The following PASK variants were observed in gnomAD, a reference collection of about 807,000 sequenced individuals.
PASK encodes the protein PAS domain containing serine/threonine kinase.
In PASK, 110 loss-of-function variants were observed where a neutral mutation model predicts 121.0. The ratio of observed to expected loss-of-function variants is 0.91; its 90% CI spans 0.78 to 1.06. PASK has a LOEUF of 1.06. Among genes scored for constraint, PASK ranks in the 50% least tolerant of loss-of-function variants. PASK has a pLI of 0.00. For synonymous variants in PASK, 686 were observed against 717.8 expected (o/e 0.96, Z 0.71); for missense variants, 1,643 against 1,702.3 (o/e 0.97, Z 0.61).
upstream of PASK, chr2:241,150,308 TG>T: frequency 7.5e-7 from 1 of 1,335,350 alleles, no homozygotes; most frequent in Non-Finnish European, 9.6e-7. Context: ...TTACCTGCTC[TG>T]GGGGAGGCGC....
intron 4 of PASK, chr2:241,139,591 C>G (rs1321444629): frequency 1.5e-6 from 1 of 647,834 alleles, no homozygotes; most frequent in Non-Finnish European, 2.9e-6. Flanking sequence ...GACTGCAAAA[C>G]ATTAGTGAAG....
At chr2:241,140,784 C>A in intron 2 of PASK, 31 bp from the exon 3 acceptor site, 1 of 1,430,580 alleles carries the variant, frequency 7.0e-7, no homozygotes, top group Non-Finnish European at 9.8e-7. Flanking sequence ...AAGCTTTAGA[C>A]TTCACACAGC....
chr2:241,131,486 T>C (rs1001620555), intron 9 of PASK, among the ~76,000 whole-genome samples: 4 of 152,232 alleles, frequency 2.6e-5, no homozygotes, highest in African/African-American at 9.6e-5. Context: ...ACATACTTTA[T>C]ATGTATCTAT....
intron 9 of PASK, among the ~76,000 whole-genome samples, chr2:241,128,888 A>G (rs1341999339): frequency 2.0e-5 from 3 of 150,942 alleles, no homozygotes; most frequent in African/African-American, 7.3e-5. Context: ...AAGAGGAAGG[A>G]TACAACCCAA....
upstream of PASK, chr2:241,150,174 T>C (rs1029954795): frequency 2.1e-5 from 27 of 1,274,256 alleles, no homozygotes; most frequent in African/African-American, 3.9e-4. Context: ...AGGGCGTCTC[T>C]CCACTCTGCC....
At chr2:241,128,650 T>C (rs961405112) in intron 9 of PASK, among the ~76,000 whole-genome samples, 28 of 152,186 alleles carry the variant, frequency 1.8e-4, no homozygotes, top group African/African-American at 6.5e-4. Flanking sequence ...TGTGGGAGGC[T>C]GAGCCCAGGA....
intron 9 of PASK, among the ~76,000 whole-genome samples, chr2:241,129,021 CCTCTCTCCCTCCATGTCTCCCATCT>C (rs1167384471): frequency 7.6e-6 from 1 of 131,152 alleles, no homozygotes; most frequent in Non-Finnish European, 1.7e-5. Context: ...ATGTCTCCCG[CCTCTCTCCCTCCATGTCTCCCATCT>C]CTCTCTCCCC....
intron 7 of PASK, among the ~76,000 whole-genome samples, chr2:241,136,728 C>T (rs1387802730): frequency 6.6e-6 from 1 of 152,246 alleles, no homozygotes; most frequent in Non-Finnish European, 1.5e-5. Context: ...GCAGTTGTGT[C>T]GTAAACCCTG....
At chr2:241,149,866 C>T, upstream of PASK, 1 of 1,453,420 alleles carries the variant, frequency 6.9e-7, no homozygotes, top group South Asian at 1.4e-5. Flanking sequence ...GCTGGCGCCC[C>T]GGAGCCAGCC....
At chr2:241,149,830 T>G (rs2067200761), upstream of PASK, 1 of 1,507,780 alleles carries the variant, frequency 6.6e-7, no homozygotes, top group Admixed American at 2.2e-5. Flanking sequence ...CGCACTGGGC[T>G]GGGAACGACT....
chr2:241,107,650 G>A, intron 16 of PASK, 151 bp from the exon 17 acceptor site: 1 of 729,490 alleles, frequency 1.4e-6, no homozygotes. Context: ...GCTGTGCTTG[G>A]ACAGAAGCTG....
rs1215024596 is a variant in PASK at position 241,135,744 on chromosome 2, G to GC, written c.1306+126dup. 3.7e-5 allele frequency: 30 copies of GC among 818,212 alleles called. No individual in the cohort carries two copies. The African/African-American group carries it at 4.9e-4, about 13-fold the overall frequency. The allele number at this position is 818,212 out of a possible 1,614,324, so 50.7% of individuals were successfully genotyped here. A position where few individuals can be genotyped will look rare whatever the true frequency, so the allele number is the denominator to read the frequency against. On this transcript the variant is annotated intron_variant, in intron 8 of 17. Transcript: ENST00000234040. ...CCAGAAAACAGTCACCCCCTACTCC[G>GC]CCCCCCACCACCCCTGAGCCTCTGG... is the stretch of plus-strand genomic sequence containing the variant.
chr2:241,131,086 CA>C (rs2066105238), intron 9 of PASK, among the ~76,000 whole-genome samples: 1 of 151,952 alleles, frequency 6.6e-6, no homozygotes, highest in African/African-American at 2.4e-5. Context: ...GGAAGACGGC[CA>C]GGGGAACTAT....
upstream of PASK, chr2:241,149,645 T>C (rs1575368637): frequency 1.9e-6 from 3 of 1,540,684 alleles, no homozygotes; most frequent in East Asian, 7.3e-5. Flanking sequence ...GCCAAAGGAA[T>C]AATGGGCGCC....
At chr2:241,150,312 G>A (rs1295993524), upstream of PASK, 1 of 1,335,488 alleles carries the variant, frequency 7.5e-7, no homozygotes, top group Non-Finnish European at 9.6e-7. Context: ...CTGCTCTGGG[G>A]GAGGCGCGGC....
intron 1 of PASK, among the ~76,000 whole-genome samples, chr2:241,144,990 T>C (rs892169820): frequency 2.6e-5 from 4 of 152,234 alleles, no homozygotes; most frequent in Non-Finnish European, 4.4e-5. Context: ...TTCGGCTCAC[T>C]GCAACCTCCG....
At chr2:241,122,474 T>G (rs2065656242) in intron 12 of PASK, among the ~76,000 whole-genome samples, 1 of 152,160 alleles carries the variant, frequency 6.6e-6, no homozygotes, top group Admixed American at 6.5e-5. Context: ...CTCAACACAA[T>G]GGCAGGAGGC....
At chr2:241,111,404 T>C (rs1057194018) in intron 15 of PASK, among the ~76,000 whole-genome samples, 1 of 152,222 alleles carries the variant, frequency 6.6e-6, no homozygotes, top group Non-Finnish European at 1.5e-5. Context: ...TAGAGATGCA[T>C]TCCAACCACA....
intron 1 of PASK, among the ~76,000 whole-genome samples, chr2:241,143,851 T>C (rs932749996): frequency 6.6e-6 from 1 of 152,250 alleles, no homozygotes; most frequent in African/African-American, 2.4e-5. Context: ...GCGGGGGCCA[T>C]GGCCAAGAGG....
Sources: allele counts gnomAD v4.1 joint callset (sites outside exome capture counted in the v4.1 genomes callset), GRCh38; gene constraint gnomAD v4.1.1; transcripts MANE v1.5; gene names NCBI Gene and HGNC (gene_info 2026-07-23, HGNC 2026-07-21).